PPFIA2: variants seen among roughly 807,000 people sequenced by gnomAD.
PPFIA2 encodes PPFI scaffold protein A2.
In PPFIA2, 46 loss-of-function variants were observed where a neutral mutation model predicts 175.5. The ratio of observed to expected loss-of-function variants is 0.26; its 90% CI spans 0.21 to 0.34. The LOEUF is 0.34. PPFIA2 is among the 10% of genes least tolerant of loss of function. The pLI, the probability that PPFIA2 is intolerant of heterozygous loss-of-function variation, is 1.00. For synonymous variants in PPFIA2, 568 were observed against 511.4 expected (o/e 1.11, Z -1.49); for missense variants, 1,179 against 1,506.1 (o/e 0.78, Z 3.60).
intron 4 of PPFIA2, among the ~76,000 whole-genome samples, chr12:81,651,997 G>A (rs1224364346): frequency 3.3e-5 from 5 of 151,666 alleles, no homozygotes; most frequent in African/African-American, 9.7e-5. Flanking sequence ...AGATGCGACC[G>A]TAGGCAGGTT....
At chr12:81,755,327 T>A (rs2084470591) in intron 2 of PPFIA2, among the ~76,000 whole-genome samples, 1 of 152,128 alleles carries the variant, frequency 6.6e-6, no homozygotes, top group African/African-American at 2.4e-5. Flanking sequence ...TCATCTCAAT[T>A]TTGGTTGTTG....
intron 7 of PPFIA2, among the ~76,000 whole-genome samples, chr12:81,425,469 C>T (rs535030263): frequency 2.0e-5 from 3 of 152,272 alleles, no homozygotes; most frequent in Non-Finnish European, 2.9e-5. Context: ...CTCAGCCTCC[C>T]GAGTATCGGG....
intron 4 of PPFIA2, 145 bp downstream of exon 4, chr12:81,676,646 A>T (rs1488533144): frequency 4.1e-6 from 2 of 487,580 alleles, no homozygotes; most frequent in African/African-American, 2.0e-5. Context: ...AAGCAATTTC[A>T]TACTTCTGTT....
intron 3 of PPFIA2, among the ~76,000 whole-genome samples, chr12:81,748,945 A>G (rs927329581): frequency 6.9e-6 from 1 of 144,570 alleles, no homozygotes; most frequent in Non-Finnish European, 1.6e-5. Flanking sequence ...CTTCACTTTC[A>G]TCCTATAACC....
intron 24 of PPFIA2, 158 bp downstream of exon 24, chr12:81,294,677 T>C: frequency 2.9e-6 from 2 of 697,004 alleles, no homozygotes; most frequent in East Asian, 2.7e-5. Context: ...TGAAAACCTA[T>C]TAAAAGTAGC....
At chr12:81,340,038 T>C (rs1217481064) in intron 20 of PPFIA2, among the ~76,000 whole-genome samples, 1 of 152,132 alleles carries the variant, frequency 6.6e-6, no homozygotes, top group Non-Finnish European at 1.5e-5. Context: ...GACATTGTTA[T>C]TAGTTTCTAT....
At chr12:81,584,295 C>A (rs11114921) in intron 4 of PPFIA2, among the ~76,000 whole-genome samples, 5 of 151,772 alleles carry the variant, frequency 3.3e-5, no homozygotes, top group African/African-American at 4.8e-5. Flanking sequence ...TTATAATGCT[C>A]GAAATACAGT....
At chr12:81,544,114 A>G (rs539901888) in intron 4 of PPFIA2, among the ~76,000 whole-genome samples, 1 of 152,248 alleles carries the variant, frequency 6.6e-6, no homozygotes, top group African/African-American at 2.4e-5. Flanking sequence ...GTTCTGACCA[A>G]TGTACCATAC....
chr12:81,672,322 T>G (rs1470171328), intron 4 of PPFIA2, among the ~76,000 whole-genome samples: 1 of 151,992 alleles, frequency 6.6e-6, no homozygotes, highest in Non-Finnish European at 1.5e-5. Context: ...ATTTTTAAAC[T>G]CTAAGACCAT....
At chr12:81,550,972 G>A (rs533250586) in intron 4 of PPFIA2, among the ~76,000 whole-genome samples, 1 of 151,896 alleles carries the variant, frequency 6.6e-6, no homozygotes, top group Admixed American at 6.6e-5. Context: ...GGTGATAAAT[G>A]GTGCATTATG....
intron 15 of PPFIA2, among the ~76,000 whole-genome samples, chr12:81,359,189 A>G (rs1360577837): frequency 2.0e-5 from 3 of 152,026 alleles, no homozygotes; most frequent in African/African-American, 7.2e-5. Flanking sequence ...CTGATTGACT[A>G]TACTCTCTTT....
intron 4 of PPFIA2, among the ~76,000 whole-genome samples, chr12:81,519,731 G>T (rs1341908323): frequency 1.3e-5 from 2 of 152,094 alleles, no homozygotes; most frequent in Non-Finnish European, 2.9e-5. Context: ...AACACAAATT[G>T]CTATTCAGAA....
intron 4 of PPFIA2, among the ~76,000 whole-genome samples, chr12:81,639,757 A>G (rs566275072): frequency 2.6e-5 from 4 of 152,290 alleles, no homozygotes; most frequent in African/African-American, 9.6e-5. Context: ...ACTGAAAATA[A>G]CGATATAATA....
chr12:81,376,679 GTAGT>G lies in PPFIA2; in HGVS notation c.985-741_985-738del, dbSNP rs552263654. 8.5e-5 allele frequency among the ~76,000 whole-genome samples: 13 copies of G among 152,256 alleles called. No homozygotes were observed. In the South Asian group the frequency reaches 2.7e-3, roughly 32 times the overall value. ...TCACAGCTTACATGGAAATTTATTGGTAGTTAGATAACCTACTTTATTGACAAGA... is the reference window on the plus strand; with the variant it reads ...TCACAGCTTACATGGAAATTTATTGGTAGATAACCTACTTTATTGACAAGA... On this transcript the variant is annotated intron_variant, in intron 9 of 32. Transcript: ENST00000549396.
At chr12:81,288,910 T>C (rs2044165741) in intron 24 of PPFIA2, among the ~76,000 whole-genome samples, 1 of 151,684 alleles carries the variant, frequency 6.6e-6, no homozygotes, top group Non-Finnish European at 1.5e-5. Flanking sequence ...TTGGGGCTTA[T>C]GAGGTAAGTA....
intron 8 of PPFIA2, among the ~76,000 whole-genome samples, chr12:81,399,931 G>C (rs1216520035): frequency 1.3e-5 from 2 of 152,074 alleles, no homozygotes; most frequent in African/African-American, 4.8e-5. Flanking sequence ...AGCTACAGTT[G>C]ACAAGACTGA....
chr12:81,406,387 C>G (rs971992708), intron 7 of PPFIA2, among the ~76,000 whole-genome samples: 4 of 152,002 alleles, frequency 2.6e-5, no homozygotes, highest in Non-Finnish European at 5.9e-5. Context: ...AGCAGACACA[C>G]AGCTGAACTT....
At chr12:81,535,536 A>G (rs1287232797) in intron 4 of PPFIA2, 5 of 449,358 alleles carry the variant, frequency 1.1e-5, no homozygotes, top group Non-Finnish European at 2.2e-5. Context: ...ATCTAACTCA[A>G]TAACACAAAA....
chr12:81,345,392 C>G (rs1270714938), intron 18 of PPFIA2, among the ~76,000 whole-genome samples: 1 of 151,652 alleles, frequency 6.6e-6, no homozygotes, highest in African/African-American at 2.4e-5. Context: ...TTTTTCAGTA[C>G]TCTAATTATA....
Sources: allele counts gnomAD v4.1 joint callset (sites outside exome capture counted in the v4.1 genomes callset), GRCh38; gene constraint gnomAD v4.1.1; transcripts MANE v1.5; gene names NCBI Gene and HGNC (gene_info 2026-07-23, HGNC 2026-07-21).